The following STRN variants were observed in gnomAD, a reference collection of about 807,000 sequenced individuals.
The protein encoded by STRN is protein phosphatase 2 regulatory subunit B'''alpha.
Under a neutral mutation model 96.3 loss-of-function variants are expected in STRN, and 53 were observed. That is an observed-to-expected ratio of 0.55 (90% CI 0.44 to 0.69). The LOEUF is 0.69. STRN is among the 30% of genes least tolerant of loss of function. STRN has a pLI of 0.00. For missense variants in STRN, 987 were observed against 963.9 expected (o/e 1.02, Z -0.32); for synonymous variants, 428 against 355.9 (o/e 1.20, Z -2.28).
At chr2:36,879,421 G>A (rs1475082734) in intron 9 of STRN, among the ~76,000 whole-genome samples, 1 of 152,160 alleles carries the variant, frequency 6.6e-6, no homozygotes, top group Non-Finnish European at 1.5e-5. Context: ...TGTGAACTGT[G>A]CTTCAAAGAT....
chr2:36,873,455 G>A (rs1668818212), intron 10 of STRN, among the ~76,000 whole-genome samples: 1 of 152,176 alleles, frequency 6.6e-6, no homozygotes, highest in African/African-American at 2.4e-5. Flanking sequence ...AGGTACTCAA[G>A]AGGCTGAGAT....
intron 4 of STRN, among the ~76,000 whole-genome samples, chr2:36,904,508 G>A (rs1669767342): frequency 2.0e-5 from 3 of 152,078 alleles, no homozygotes; most frequent in South Asian, 4.1e-4. Flanking sequence ...ACTCTTTATT[G>A]TCTCAAATAC....
At chr2:36,910,842 G>T (rs1669947309) in intron 3 of STRN, among the ~76,000 whole-genome samples, 1 of 152,008 alleles carries the variant, frequency 6.6e-6, no homozygotes, top group African/African-American at 2.4e-5. Flanking sequence ...ATATTAAATA[G>T]GAGAGACTGA....
chr2:36,862,103 T>C (rs967439703), intron 12 of STRN, among the ~76,000 whole-genome samples: 13 of 152,206 alleles, frequency 8.5e-5, no homozygotes, highest in African/African-American at 3.1e-4. Context: ...CAGGATCTCA[T>C]TTTTTATGGG....
intron 1 of STRN, among the ~76,000 whole-genome samples, chr2:36,962,327 G>T (rs1456648078): frequency 6.6e-6 from 1 of 151,938 alleles, no homozygotes; most frequent in African/African-American, 2.4e-5. Context: ...AACACTTACA[G>T]GTAAATATCA....
chr2:36,870,855 C>G (rs1668744018), intron 10 of STRN, among the ~76,000 whole-genome samples: 1 of 152,134 alleles, frequency 6.6e-6, no homozygotes, highest in Non-Finnish European at 1.5e-5. Flanking sequence ...GTGACTGCCC[C>G]TGAAGACCTT....
intron 1 of STRN, among the ~76,000 whole-genome samples, chr2:36,926,792 C>A (rs1449679893): frequency 3.3e-5 from 5 of 152,084 alleles, no homozygotes; most frequent in African/African-American, 1.2e-4. Context: ...GAGGAAAAGG[C>A]ATCAAATAAC....
At chr2:36,918,898 T>TA (rs560989909) in intron 2 of STRN, among the ~76,000 whole-genome samples, 4 of 152,276 alleles carry the variant, frequency 2.6e-5, no homozygotes, top group Middle Eastern at 3.4e-3. Flanking sequence ...GCCTATAAGA[T>TA]AAAAAAGCAG....
At chr2:36,883,530 C>G (rs1572646263) in intron 9 of STRN, among the ~76,000 whole-genome samples, 1 of 152,154 alleles carries the variant, frequency 6.6e-6, no homozygotes, top group African/African-American at 2.4e-5. Flanking sequence ...GAATATGTGA[C>G]TAGACTTTTA....
At chr2:36,939,905 G>C (rs1670803812) in intron 1 of STRN, among the ~76,000 whole-genome samples, 1 of 152,146 alleles carries the variant, frequency 6.6e-6, no homozygotes, top group African/African-American at 2.4e-5. Flanking sequence ...GAATAATCCT[G>C]AAAAGAACCT....
At chr2:36,863,783 C>A (rs1157306962) in intron 12 of STRN, among the ~76,000 whole-genome samples, 1 of 152,156 alleles carries the variant, frequency 6.6e-6, no homozygotes, top group Non-Finnish European at 1.5e-5. Context: ...TCTTTCTATC[C>A]ATGAGCATGG....
intron 15 of STRN, 53 bp from the exon 16 acceptor site, chr2:36,851,160 A>G: frequency 6.9e-7 from 1 of 1,444,036 alleles, no homozygotes; most frequent in South Asian, 1.2e-5. Context: ...TATTTTTCAC[A>G]CAAAGGAGAA....
At chr2:36,964,452 T>C (rs1207504654) in intron 1 of STRN, among the ~76,000 whole-genome samples, 1 of 152,186 alleles carries the variant, frequency 6.6e-6, no homozygotes, top group Non-Finnish European at 1.5e-5. Flanking sequence ...AATGCGCTGC[T>C]AATAAAGATC....
rs1388246485 is a variant in STRN, at chr2:36,843,880, C to T, written c.*5576G>A. 6.6e-6 allele frequency: 1 copy of T among 152,130 alleles called. No homozygotes were observed. The highest frequency in any genetic ancestry group is 1.5e-5 in the Non-Finnish European group (1 of 68,018). The allele number at this position is 152,130 out of a possible 1,614,324, so 9.4% of individuals were successfully genotyped here. A position where few individuals can be genotyped will look rare whatever the true frequency, so the allele number is the denominator to read the frequency against. Reference sequence around the variant, plus strand: ...GGATATCTTAATTAGCTTATCCATACCCTGAATTTACATAAGAAACTTCTT... The same window carrying T: ...GGATATCTTAATTAGCTTATCCATATCCTGAATTTACATAAGAAACTTCTT... On this transcript the variant is annotated 3_prime_UTR_variant, in exon 18 of 18. Coordinates refer to ENST00000263918, the MANE Select transcript of STRN (RefSeq NM_003162.4).
At position 36,848,053 on chromosome 2, in the gene STRN, G is replaced by C. The variant is rs928002381; in HGVS notation, c.*1403C>G. 1 of 152,158 alleles carries C rather than the reference G, an allele frequency of 6.6e-6. No homozygotes were observed. Among genetic ancestry groups the C allele is most frequent in the Non-Finnish European group, 1.5e-5 (1 of 68,026 alleles). 9.4% of individuals were successfully genotyped at this position (152,158 alleles called of 1,614,324 possible). A position where few individuals can be genotyped will look rare whatever the true frequency, so the allele number is the denominator to read the frequency against. ...TATAGAAATAATGTCTTTATGACAG[G>C]AGACTAGGTCTAGATAGCAGGGTCT... On this transcript the variant is annotated 3_prime_UTR_variant, in exon 18 of 18. Coordinates refer to ENST00000263918, the MANE Select transcript of STRN (RefSeq NM_003162.4).
intron 1 of STRN, among the ~76,000 whole-genome samples, chr2:36,962,646 C>T (rs1665055859): frequency 6.6e-6 from 1 of 152,008 alleles, no homozygotes; most frequent in Non-Finnish European, 1.5e-5. Context: ...CCTGCCTCAG[C>T]CTCCAGCACA....
chr2:36,957,169 A>G (rs1292531922), intron 1 of STRN, among the ~76,000 whole-genome samples: 5 of 152,234 alleles, frequency 3.3e-5, no homozygotes, highest in African/African-American at 1.2e-4. Context: ...ACATTTAGCT[A>G]GATCCCTAAA....
Position 36,839,856 on chromosome 2 carries a change from G to C in STRN, c.*9600C>G, listed in dbSNP as rs568958669. ...ATTTGAATATTAAATATAAATAGTT[G>C]GTCTCTAACTTGTTGACTGTTTTAT... On this transcript the variant is annotated 3_prime_UTR_variant, in exon 18 of 18. Coordinates refer to ENST00000263918, the MANE Select transcript of STRN (RefSeq NM_003162.4). The C allele has an allele frequency of 3.3e-5, 5 of 152,180 alleles. No homozygotes were observed. The South Asian group carries it at 8.3e-4, about 25-fold the overall frequency. 9.4% of individuals were successfully genotyped at this position (152,180 alleles called of 1,614,324 possible). A position where few individuals can be genotyped will look rare whatever the true frequency, so the allele number is the denominator to read the frequency against.
At chr2:36,923,324 G>A (rs1355780601) in intron 2 of STRN, among the ~76,000 whole-genome samples, 3 of 149,304 alleles carry the variant, frequency 2.0e-5, no homozygotes, top group South Asian at 2.1e-4. Context: ...GGTGGCATGC[G>A]CCTGTAGTCC....
Sources: allele counts gnomAD v4.1 joint callset (sites outside exome capture counted in the v4.1 genomes callset), GRCh38; gene constraint gnomAD v4.1.1; transcripts MANE v1.5; gene names NCBI Gene and HGNC (gene_info 2026-07-23, HGNC 2026-07-21).